DTNB: variants seen among roughly 807,000 people sequenced by gnomAD.
The protein encoded by DTNB is DTN-B.
Under a neutral mutation model 90.7 loss-of-function variants are expected in DTNB, and 63 were observed. The ratio of observed to expected loss-of-function variants is 0.69; its 90% CI spans 0.57 to 0.86. The LOEUF (loss-of-function observed/expected upper bound fraction) is 0.86. Among genes scored for constraint, DTNB ranks in the 40% least tolerant of loss-of-function variants. DTNB has a pLI of 0.00. For missense variants in DTNB, 744 were observed against 807.1 expected (o/e 0.92, Z 0.95); for synonymous variants, 277 against 286.7 (o/e 0.97, Z 0.34).
intron 9 of DTNB, 91 bp downstream of exon 9, chr2:25,531,382 C>T: frequency 6.6e-7 from 1 of 1,520,788 alleles, no homozygotes. Context: ...GTTGAATGGT[C>T]ATGTTAAGTG....
At chr2:25,603,514 A>C (rs1206162680) in intron 5 of DTNB, among the ~76,000 whole-genome samples, 2 of 152,218 alleles carry the variant, frequency 1.3e-5, no homozygotes, top group Non-Finnish European at 2.9e-5. Context: ...AAATCTAAGA[A>C]ATGTTTTAAA....
intron 8 of DTNB, among the ~76,000 whole-genome samples, chr2:25,536,941 C>G (rs1449322286): frequency 1.3e-5 from 2 of 152,052 alleles, no homozygotes; most frequent in African/African-American, 2.4e-5. Flanking sequence ...CGGGGTTTCA[C>G]CTGGTTGGCC....
chr2:25,412,514 C>T (rs1354327241), intron 16 of DTNB, among the ~76,000 whole-genome samples: 1 of 152,192 alleles, frequency 6.6e-6, no homozygotes, highest in Non-Finnish European at 1.5e-5. Context: ...GCTTCCTATC[C>T]TTACATAACT....
At chr2:25,642,065 C>G (rs893024144) in intron 2 of DTNB, among the ~76,000 whole-genome samples, 17 of 152,232 alleles carry the variant, frequency 1.1e-4, no homozygotes, top group South Asian at 4.1e-4. Context: ...CATGATCCAC[C>G]CGCCTCAGCC....
At chr2:25,639,391 T>G in intron 2 of DTNB, 1 of 225,000 alleles carries the variant, frequency 4.4e-6, no homozygotes, top group Non-Finnish European at 8.8e-6. Flanking sequence ...GAAAGGGGAG[T>G]AGGGCAGCAT....
intron 2 of DTNB, among the ~76,000 whole-genome samples, chr2:25,646,324 T>C (rs1351149680): frequency 2.0e-5 from 3 of 151,832 alleles, no homozygotes; most frequent in Non-Finnish European, 4.4e-5. Flanking sequence ...AAAAAAAAAT[T>C]AGCCAGGCGT....
chr2:25,636,679 CAT>C (rs2077196160), intron 3 of DTNB, among the ~76,000 whole-genome samples: 1 of 152,136 alleles, frequency 6.6e-6, no homozygotes, highest in South Asian at 2.1e-4. Context: ...CACACAAACA[CAT>C]AGATACATCC....
chr2:25,497,395 C>T (rs542727251), intron 9 of DTNB: 1 of 152,338 alleles, frequency 6.6e-6, no homozygotes, highest in Admixed American at 6.5e-5. Flanking sequence ...GCACTCCCAC[C>T]TCCTCTCCAA....
At chr2:25,437,651 G>T (rs1228220533) in intron 12 of DTNB, among the ~76,000 whole-genome samples, 2 of 152,184 alleles carry the variant, frequency 1.3e-5, no homozygotes, top group African/African-American at 4.8e-5. Context: ...TCAGGACACT[G>T]AAGGGAAAAA....
At chr2:25,385,711 C>T (rs772396294) in intron 18 of DTNB, among the ~76,000 whole-genome samples, 13 of 152,178 alleles carry the variant, frequency 8.5e-5, no homozygotes, top group Non-Finnish European at 1.6e-4. Context: ...CTCTAAGGCA[C>T]CTTCCAAATT....
At chr2:25,600,444 A>G (rs2065633945) in intron 5 of DTNB, among the ~76,000 whole-genome samples, 1 of 152,268 alleles carries the variant, frequency 6.6e-6, no homozygotes, top group Non-Finnish European at 1.5e-5. Flanking sequence ...CATATGGCAG[A>G]AGAAAGACGG....
chr2:25,534,305 G>A (rs1245370098), intron 8 of DTNB, among the ~76,000 whole-genome samples: 2 of 152,194 alleles, frequency 1.3e-5, no homozygotes. Context: ...ATGTTTCAGA[G>A]AGCAGGGGGT....
intron 12 of DTNB, among the ~76,000 whole-genome samples, chr2:25,451,295 A>T (rs1451258225): frequency 2.0e-5 from 3 of 152,166 alleles, no homozygotes; most frequent in African/African-American, 7.2e-5. Context: ...GAAAGTGGAT[A>T]TCTCTGAATT....
intron 8 of DTNB, among the ~76,000 whole-genome samples, chr2:25,557,878 A>G (rs2057628209): frequency 6.6e-6 from 1 of 152,224 alleles, no homozygotes. Context: ...TTAGAACCAC[A>G]TATTGACAGA....
chr2:25,606,483 C>T (rs939457024), intron 5 of DTNB, among the ~76,000 whole-genome samples: 2 of 151,996 alleles, frequency 1.3e-5, no homozygotes, highest in Non-Finnish European at 2.9e-5. Context: ...GTTAACTCAT[C>T]GATAAAATGA....
At chr2:25,568,638 A>G (rs552271034) in intron 8 of DTNB, among the ~76,000 whole-genome samples, 1 of 152,364 alleles carries the variant, frequency 6.6e-6, no homozygotes, top group South Asian at 2.1e-4. Flanking sequence ...AATAATCACT[A>G]TGGTTAAATT....
Position 25,440,457 on chromosome 2 carries a change from G to C in DTNB, c.1258-6462C>G, listed in dbSNP as rs2057112261. ...GAAATTTTGTACTCTTGCATCGTAA[G>C]TTAGTAAGTTCTCATTTCATTGTAA... On this transcript the variant is annotated intron_variant, in intron 12 of 20. Coordinates refer to ENST00000406818, the MANE Select transcript of DTNB (RefSeq NM_021907.5). 2.0e-5 allele frequency among the ~76,000 whole-genome samples: 3 copies of C among 152,172 alleles called. No homozygotes were observed. In the South Asian group the frequency reaches 6.2e-4, roughly 32 times the overall value.
chr2:25,495,344 G>C (rs1267308418), intron 9 of DTNB, among the ~76,000 whole-genome samples: 1 of 152,196 alleles, frequency 6.6e-6, no homozygotes, highest in African/African-American at 2.4e-5. Flanking sequence ...AGGATTACAG[G>C]CATGAGCCAT....
At chr2:25,469,648 T>A (rs758441003) in intron 10 of DTNB, among the ~76,000 whole-genome samples, 2 of 152,136 alleles carry the variant, frequency 1.3e-5, no homozygotes, top group Non-Finnish European at 2.9e-5. Context: ...GCTTTCATCA[T>A]GTTGGCCAGG....
Sources: gnomAD v4.1 joint callset for allele counts (sites outside exome capture counted in the v4.1 genomes callset) on GRCh38, gnomAD v4.1.1 for gene constraint, MANE v1.5 for transcripts, NCBI Gene and HGNC (gene_info 2026-07-23, HGNC 2026-07-21) for gene names.